Variants in MYOM2 observed in about 807,000 individuals in gnomAD.
MYOM2 encodes the protein myomesin 2.
A neutral mutation model predicts 187.6 loss-of-function variants in MYOM2; 254 were observed. The ratio of observed to expected loss-of-function variants is 1.35; its 90% CI spans 1.22 to 1.50. The LOEUF is 1.50. MYOM2 is among the 40% of genes most tolerant of loss of function. The probability of loss-of-function intolerance (pLI) is 0.00; values close to 1 mark genes in which losing one functional copy is unlikely to be tolerated. For synonymous variants in MYOM2, 981 were observed against 753.8 expected (o/e 1.30, Z -4.94); for missense variants, 2,796 against 1,924.0 (o/e 1.45, Z -8.48).
Position 2,050,739 on chromosome 8 carries a change from G to C in MYOM2, c.-12-16G>C, listed in dbSNP as rs200541070. ...CTTGCGAGGGAGCTCAGTGTTGTGT[G>C]TGACTCTCTTTGTAGGAGCACGCCA... On this transcript the variant is annotated splice_polypyrimidine_tract_variant and intron_variant, in intron 1 of 36. Coordinates refer to ENST00000262113, the MANE Select transcript of MYOM2 (RefSeq NM_003970.4). 286 of 1,505,566 alleles carry C rather than the reference G, an allele frequency of 1.9e-4. 4 individuals carry two copies. Among genetic ancestry groups the C allele is most frequent in the Admixed American group, 2.0e-4 (12 of 59,704 alleles). 93.3% of individuals were successfully genotyped at this position (1,505,566 alleles called of 1,614,324 possible). A position where few individuals can be genotyped will look rare whatever the true frequency, so the allele number is the denominator to read the frequency against.
At chr8:2,073,591 G>A (rs1404411788) in intron 10 of MYOM2, 91 bp downstream of exon 10, 34 of 1,427,730 alleles carry the variant, frequency 2.4e-5, no homozygotes, top group Non-Finnish European at 2.9e-5. Context: ...GGGAAAAGGA[G>A]TCCAGAGGGT....
chr8:2,054,579 C>A (rs1317718149), intron 3 of MYOM2, among the ~76,000 whole-genome samples: 1 of 152,088 alleles, frequency 6.6e-6, no homozygotes. Context: ...AATTCCAGAC[C>A]AATTAGTTAT....
At chr8:2,085,104 C>G (rs1819764186) in intron 13 of MYOM2, 159 bp from the exon 14 acceptor site, 2 of 775,310 alleles carry the variant, frequency 2.6e-6, no homozygotes, top group African/African-American at 3.5e-5. Context: ...GCCTTATCCT[C>G]TGGTTCCAAG....
intron 1 of MYOM2, among the ~76,000 whole-genome samples, chr8:2,046,055 C>T (rs1818301868): frequency 6.6e-6 from 1 of 152,198 alleles, no homozygotes; most frequent in African/African-American, 2.4e-5. Context: ...TCTTGGGAGC[C>T]AAGGGCTTAG....
intron 8 of MYOM2, among the ~76,000 whole-genome samples, chr8:2,071,521 A>G (rs1819217271): frequency 6.6e-6 from 1 of 152,114 alleles, no homozygotes; most frequent in Non-Finnish European, 1.5e-5. Context: ...TTTGAGGAGG[A>G]GGCAGCCGTG....
chr8:2,102,335 A>G, intron 20 of MYOM2: 1 of 229,768 alleles, frequency 4.4e-6, no homozygotes, highest in Non-Finnish European at 8.7e-6. Flanking sequence ...ATCACACTTA[A>G]AATAGTATTT....
intron 17 of MYOM2, among the ~76,000 whole-genome samples, chr8:2,094,668 T>C (rs1796421144): frequency 6.6e-6 from 1 of 152,180 alleles, no homozygotes; most frequent in African/African-American, 2.4e-5. Flanking sequence ...ATATATATGC[T>C]GTAGGGGATA....
In MYOM2 at chr8:2,076,389, T is replaced by G; in HGVS notation, c.1262+107T>G. On this transcript the variant is annotated intron_variant, in intron 11 of 36. Coordinates refer to ENST00000262113, the MANE Select transcript of MYOM2 (RefSeq NM_003970.4). ...AATGCAGGTTGACGTTCCCATTTTT[T>G]GATTGGCTCTAGGTACATGGCTAAT... The G allele has an allele frequency of 1.4e-6, 2 of 1,421,512 alleles. 1 individual carries two copies. Among genetic ancestry groups the G allele is most frequent in the South Asian group, 2.8e-5 (2 of 71,232 alleles). The allele number at this position is 1,421,512 out of a possible 1,614,324, so 88.1% of individuals were successfully genotyped here.
chr8:2,083,550 G>C (rs1210639527), intron 13 of MYOM2, among the ~76,000 whole-genome samples: 3 of 152,344 alleles, frequency 2.0e-5, no homozygotes, highest in African/African-American at 7.2e-5. Flanking sequence ...CGTGTGCTTA[G>C]CGGTGTCTCT....
intron 21 of MYOM2, among the ~76,000 whole-genome samples, chr8:2,104,586 C>A (rs375197554): frequency 2.7e-5 from 4 of 149,884 alleles, no homozygotes; most frequent in African/African-American, 9.9e-5. Flanking sequence ...GCCTGGGCAA[C>A]GGAGCAAGAC....
At position 2,092,404 on chromosome 8, in the gene MYOM2, G is replaced by A. The variant is rs765925614; in HGVS notation, c.1887G>A (p.Val629=). The A allele has an allele frequency of 1.5e-5, 24 of 1,614,120 alleles. No individual in the cohort carries two copies. Among genetic ancestry groups the A allele is most frequent in the Non-Finnish European group, 1.9e-5 (22 of 1,180,016 alleles). The change falls in exon 16 of 37, where the codon GTG becomes GTA. Residue 629 remains valine (V), a synonymous_variant. Transcript: ENST00000262113. ...CCCGAAACACCAAGACGTCGGTGGT[G>A]GTGCAGTGGGACCGACCTAAGCATG... ...LASRNTKTSV[V]VQWDRPKHEE...
At chr8:2,073,116 C>A (rs1819291803) in intron 9 of MYOM2, among the ~76,000 whole-genome samples, 1 of 152,202 alleles carries the variant, frequency 6.6e-6, no homozygotes, top group African/African-American at 2.4e-5. Context: ...CCCACTTTGA[C>A]CCACTCAAGT....
intron 24 of MYOM2, 93 bp downstream of exon 24, chr8:2,108,923 G>A: frequency 8.0e-7 from 1 of 1,245,862 alleles, no homozygotes; most frequent in Middle Eastern, 2.0e-4. Context: ...AACAGCTTTG[G>A]GGAAAGGATG....
chr8:2,134,049 ATTGTGTACC>A (rs1797970756), intron 32 of MYOM2, among the ~76,000 whole-genome samples: 20 of 126,310 alleles, frequency 1.6e-4, no homozygotes, highest in African/African-American at 7.1e-4. Flanking sequence ...AGGTTAGTGT[ATTGTGTACC>A]CACCTTATAA....
chr8:2,142,858 C>G (rs551904791), intron 35 of MYOM2, among the ~76,000 whole-genome samples: 1 of 151,244 alleles, frequency 6.6e-6, no homozygotes, highest in Non-Finnish European at 1.5e-5. Context: ...TGGGTTCAAG[C>G]GATTCTCCTG....
intron 21 of MYOM2, among the ~76,000 whole-genome samples, 173 bp downstream of exon 21, chr8:2,102,954 T>C (rs1356496446): frequency 3.9e-5 from 6 of 151,972 alleles, no homozygotes. Flanking sequence ...GTGCATGTGT[T>C]ACGTGTACAT....
At chr8:2,088,302 T>G (rs1281067193) in intron 14 of MYOM2, among the ~76,000 whole-genome samples, 1 of 152,210 alleles carries the variant, frequency 6.6e-6, no homozygotes, top group Non-Finnish European at 1.5e-5. Context: ...AACTTTTATT[T>G]TAGCTTCAGG....
chr8:2,086,990 C>T (rs1229741012), intron 14 of MYOM2, among the ~76,000 whole-genome samples: 2 of 151,942 alleles, frequency 1.3e-5, no homozygotes, highest in Admixed American at 6.5e-5. Flanking sequence ...TTGTATATTG[C>T]AGTTCTGCCA....
Position 2,072,370 on chromosome 8 carries a change from C to G in MYOM2, c.819C>G (p.Tyr273Ter). The G allele has an allele frequency of 6.2e-7, 1 of 1,613,704 alleles. No homozygotes were observed. The highest frequency in any genetic ancestry group is 8.5e-7 in the Non-Finnish European group (1 of 1,179,644). ...TGCCCCTGTCATCGATGATTCCGTA[C>G]ACGCACTTCGACGTCCAGTTTTTGG... ...IGLPLSSMIP[Y>*]THFDVQFLEK... Residue 273 changes from tyrosine (Y) to a stop codon, truncating the protein, a stop_gained, in exon 9 of 37, where the codon TAC becomes TAG. Coordinates refer to ENST00000262113, the MANE Select transcript of MYOM2 (RefSeq NM_003970.4). LOFTEE classifies it high-confidence loss of function.
Sources: gnomAD v4.1 joint callset for allele counts (sites outside exome capture counted in the v4.1 genomes callset) on GRCh38, gnomAD v4.1.1 for gene constraint, MANE v1.5 for transcripts, NCBI Gene and HGNC (gene_info 2026-07-23, HGNC 2026-07-21) for gene names.